RBFOX1: variants seen among roughly 807,000 people sequenced by gnomAD.
The protein encoded by RBFOX1 is RNA binding fox-1 homolog 1, also known as RNA binding protein fox-1 homolog 1.
In RBFOX1, 8 loss-of-function variants were observed where a neutral mutation model predicts 57.7. That is an observed-to-expected ratio of 0.14 (90% CI 0.08 to 0.25). The LOEUF (loss-of-function observed/expected upper bound fraction) is 0.25. Among genes scored for constraint, RBFOX1 ranks in the 10% least tolerant of loss-of-function variants. The pLI is 1.00. For missense variants in RBFOX1, 611 were observed against 548.5 expected (o/e 1.11, Z -1.14); for synonymous variants, 326 against 222.4 (o/e 1.47, Z -4.15).
At chr16:6,499,304 A>G (rs1049548993) in intron 2 of RBFOX1, among the ~76,000 whole-genome samples, 1 of 152,310 alleles carries the variant, frequency 6.6e-6, no homozygotes, top group Admixed American at 6.5e-5. Context: ...CCTTTTATGC[A>G]CTAATCGAGC....
At chr16:7,562,584 C>G (rs916383304) in intron 5 of RBFOX1, among the ~76,000 whole-genome samples, 8 of 152,186 alleles carry the variant, frequency 5.3e-5, no homozygotes, top group Non-Finnish European at 1.2e-4. Context: ...ATGGAAGCCA[C>G]CAGTGGCACC....
intron 4 of RBFOX1, among the ~76,000 whole-genome samples, chr16:7,312,040 C>G (rs1342585797): frequency 1.3e-5 from 2 of 152,188 alleles, no homozygotes; most frequent in Admixed American, 6.5e-5. Flanking sequence ...GAACACTTAG[C>G]TCAGTGCCTG....
At chr16:6,806,114 G>A (rs906748146) in intron 3 of RBFOX1, among the ~76,000 whole-genome samples, 2 of 152,132 alleles carry the variant, frequency 1.3e-5, no homozygotes, top group African/African-American at 4.8e-5. Flanking sequence ...GAACCAGTTT[G>A]AATATTTAGA....
intron 3 of RBFOX1, among the ~76,000 whole-genome samples, chr16:6,921,090 C>G (rs1053136672): frequency 6.6e-6 from 1 of 152,182 alleles, no homozygotes; most frequent in Non-Finnish European, 1.5e-5. Flanking sequence ...CTGCACCATT[C>G]GTTAGCTTTG....
intron 3 of RBFOX1, among the ~76,000 whole-genome samples, chr16:6,829,488 A>AG (rs978154646): frequency 8.6e-5 from 13 of 150,590 alleles, no homozygotes; most frequent in African/African-American, 3.2e-4. Flanking sequence ...CATTAAAAAA[A>AG]AAAAAAACAA....
intron 4 of RBFOX1, among the ~76,000 whole-genome samples, chr16:7,067,437 G>C (rs1199667020): frequency 6.6e-6 from 1 of 151,788 alleles, no homozygotes; most frequent in Non-Finnish European, 1.5e-5. Context: ...GAGGCTCTAG[G>C]AGAGAATCCT....
chr16:7,104,559 A>T (rs754583209), intron 4 of RBFOX1, among the ~76,000 whole-genome samples: 3 of 152,158 alleles, frequency 2.0e-5, no homozygotes, highest in Non-Finnish European at 4.4e-5. Flanking sequence ...TTTATGATAA[A>T]GGTGGGCTGA....
chr16:6,892,890 C>T (rs888153377), intron 3 of RBFOX1, among the ~76,000 whole-genome samples: 1 of 151,166 alleles, frequency 6.6e-6, no homozygotes, highest in African/African-American at 2.4e-5. Context: ...GCTCATTTCT[C>T]ACCACTCACT....
chr16:5,695,082 C>G (rs2041251), intron 3 of RBFOX1, among the ~76,000 whole-genome samples: 146,470 of 152,126 alleles, frequency 0.96, 70,538 homozygotes, highest in East Asian at 1. Context: ...GATAAATTGG[C>G]AAATACAACA....
chr16:6,872,020 C>T (rs929968689), intron 3 of RBFOX1, among the ~76,000 whole-genome samples: 1 of 150,008 alleles, frequency 6.7e-6, no homozygotes, highest in Admixed American at 6.7e-5. Flanking sequence ...TCCTATTGTT[C>T]ATTATGATTG....
intron 3 of RBFOX1, among the ~76,000 whole-genome samples, chr16:6,794,622 T>C (rs1361512123): frequency 6.6e-6 from 1 of 152,132 alleles, no homozygotes. Context: ...TGGAATAGTT[T>C]CTAGGCATGT....
intron 3 of RBFOX1, among the ~76,000 whole-genome samples, chr16:6,877,296 C>G (rs867950787): frequency 3.9e-5 from 6 of 152,182 alleles, no homozygotes; most frequent in Admixed American, 3.9e-4. Context: ...AGGTATGCTT[C>G]TATCTAGTTT....
At chr16:5,598,109 C>G (rs1567277971) in intron 2 of RBFOX1, among the ~76,000 whole-genome samples, 1 of 151,946 alleles carries the variant, frequency 6.6e-6, no homozygotes, top group East Asian at 1.9e-4. Flanking sequence ...CCAGCCTGGC[C>G]AACATGGCGA....
chr16:5,932,305 A>G (rs2059077615), intron 4 of RBFOX1, among the ~76,000 whole-genome samples: 1 of 152,214 alleles, frequency 6.6e-6, no homozygotes, highest in Admixed American at 6.5e-5. Flanking sequence ...GGTCTGTGGG[A>G]CTGAGGGCTG....
chr16:7,109,035 T>G (rs1003647790), intron 4 of RBFOX1, among the ~76,000 whole-genome samples: 4 of 152,128 alleles, frequency 2.6e-5, no homozygotes, highest in Non-Finnish European at 4.4e-5. Flanking sequence ...ACGTGCAGCA[T>G]AGGAAAATAC....
rs533572294 is a variant in RBFOX1 at position 7,487,912 on chromosome 16, G to A, written c.28-30235G>A. 5.3e-5 allele frequency among the ~76,000 whole-genome samples: 8 copies of A among 152,210 alleles called. No individual in the cohort carries two copies. In the South Asian group the frequency reaches 6.2e-4, roughly 12 times the overall value. On this transcript the variant is annotated intron_variant, in intron 4 of 15. Coordinates refer to ENST00000550418, the MANE Select transcript of RBFOX1 (RefSeq NM_018723.4). Reference sequence around the variant, plus strand: ...AAGGAAAAGCAAATCTATTACCAGCGTCCGATAATTTCTGCTCAGGGATTC... The same window carrying A: ...AAGGAAAAGCAAATCTATTACCAGCATCCGATAATTTCTGCTCAGGGATTC...
intron 3 of RBFOX1, among the ~76,000 whole-genome samples, chr16:6,683,647 G>T (rs1490274329): frequency 1.3e-5 from 2 of 152,092 alleles, no homozygotes; most frequent in East Asian, 3.9e-4. Flanking sequence ...TAGACCAAAT[G>T]GCTCATACCA....
chr16:7,301,521 C>A (rs1443480748), intron 4 of RBFOX1, among the ~76,000 whole-genome samples: 1 of 152,288 alleles, frequency 6.6e-6, no homozygotes, highest in African/African-American at 2.4e-5. Context: ...CTGAGGGGTT[C>A]CAACTTTGGG....
At chr16:7,028,055 T>C (rs1045516154) in intron 3 of RBFOX1, among the ~76,000 whole-genome samples, 4 of 152,136 alleles carry the variant, frequency 2.6e-5, no homozygotes, top group South Asian at 2.1e-4. Context: ...GCACAGAAAG[T>C]GTTCGCAGCC....
Sources: gnomAD v4.1 joint callset for allele counts (sites outside exome capture counted in the v4.1 genomes callset) on GRCh38, gnomAD v4.1.1 for gene constraint, MANE v1.5 for transcripts, NCBI Gene and HGNC (gene_info 2026-07-23, HGNC 2026-07-21) for gene names.